Variants in IQCJ observed in about 807,000 individuals in gnomAD.
IQCJ encodes IQ domain-containing protein J.
A neutral mutation model predicts 11.0 loss-of-function variants in IQCJ; 9 were observed. That is an observed-to-expected ratio of 0.82 (90% CI 0.49 to 1.43). IQCJ has a LOEUF of 1.43. Among genes scored for constraint, IQCJ ranks in the 40% most tolerant of loss-of-function variants. IQCJ has a pLI of 0.00. For synonymous variants in IQCJ, 55 were observed against 51.3 expected (o/e 1.07, Z -0.31); for missense variants, 146 against 133.2 (o/e 1.10, Z -0.47).
At chr3:159,217,752 A>G (rs551842905) in intron 1 of IQCJ, among the ~76,000 whole-genome samples, 22 of 151,804 alleles carry the variant, frequency 1.4e-4, no homozygotes, top group African/African-American at 4.6e-4. Flanking sequence ...TACCTAGCAG[A>G]CTCTTCATTT....
At chr3:159,138,022 T>C (rs1720395724) in intron 1 of IQCJ, among the ~76,000 whole-genome samples, 1 of 87,032 alleles carries the variant, frequency 1.1e-5, no homozygotes, top group African/African-American at 2.8e-5. Flanking sequence ...CATTTACATA[T>C]GTTATGTAAT....
chr3:159,143,157 A>G (rs947829407), intron 1 of IQCJ, among the ~76,000 whole-genome samples: 13 of 152,244 alleles, frequency 8.5e-5, no homozygotes, highest in Admixed American at 7.9e-4. Flanking sequence ...CCATCTCAGC[A>G]TCACATAGCC....
At chr3:159,142,697 C>T (rs879593178) in intron 1 of IQCJ, among the ~76,000 whole-genome samples, 6 of 152,042 alleles carry the variant, frequency 3.9e-5, no homozygotes, top group Admixed American at 6.5e-5. Context: ...GAATTACAGG[C>T]GTCAGCCACC....
intron 1 of IQCJ, among the ~76,000 whole-genome samples, chr3:159,204,148 T>C (rs1021359666): frequency 3.9e-5 from 6 of 152,200 alleles, no homozygotes; most frequent in African/African-American, 1.4e-4. Context: ...ATAACAAACT[T>C]CCTAAAACTT....
chr3:159,116,638 A>ATATC (rs1559991641), intron 1 of IQCJ, among the ~76,000 whole-genome samples: 20 of 32,826 alleles, frequency 6.1e-4, no homozygotes, highest in Non-Finnish European at 9.8e-4. Context: ...ATATATATAT[A>ATATC]TATATATATA....
Position 159,179,049 on chromosome 3 carries a change from GGACAGGCAACA to G in IQCJ, c.10-66789_10-66779del, listed in dbSNP as rs555767144. 3.7e-4 allele frequency among the ~76,000 whole-genome samples: 56 copies of G among 152,260 alleles called. No individual in the cohort carries two copies. The East Asian group carries it at 0.01, about 27-fold the overall frequency. ...CATGTTATCTGTCCTCCACACTGGA[GGACAGGCAACA>G]GACACCACACTCTCTAGCACAATGT... On this transcript the variant is annotated intron_variant, in intron 1 of 3. Transcript: ENST00000397832.
At chr3:159,232,023 TC>T (rs1172334986) in intron 1 of IQCJ, among the ~76,000 whole-genome samples, 2 of 152,214 alleles carry the variant, frequency 1.3e-5, no homozygotes, top group Non-Finnish European at 2.9e-5. Context: ...TTCTCTCTTT[TC>T]TTCTTTATTA....
chr3:159,248,090 G>T (rs1727378651), intron 2 of IQCJ, among the ~76,000 whole-genome samples: 1 of 152,154 alleles, frequency 6.6e-6, no homozygotes, highest in Admixed American at 6.5e-5. Context: ...AGCTTTGTCA[G>T]TCCAGACAAA....
chr3:159,092,924 AT>A (rs1222317605), intron 1 of IQCJ, among the ~76,000 whole-genome samples: 2 of 151,574 alleles, frequency 1.3e-5, no homozygotes, highest in Non-Finnish European at 2.9e-5. Flanking sequence ...AAATACCTAA[AT>A]TTTCAGTGGA....
downstream of IQCJ, chr3:159,266,256 G>T (rs1728484455): frequency 6.6e-6 from 1 of 152,180 alleles, no homozygotes. Flanking sequence ...AAAGAAGGCT[G>T]CATTTAGACA....
intron 1 of IQCJ, among the ~76,000 whole-genome samples, chr3:159,151,141 T>C (rs1292534153): frequency 3.3e-5 from 5 of 152,178 alleles, no homozygotes; most frequent in East Asian, 1.9e-4. Flanking sequence ...CCCGGCTCTT[T>C]GGAAGGAGCA....
chr3:159,165,028 C>G (rs1283610711), intron 1 of IQCJ, among the ~76,000 whole-genome samples: 5 of 152,006 alleles, frequency 3.3e-5, no homozygotes, highest in Admixed American at 3.3e-4. Flanking sequence ...TCTTATTCAC[C>G]AAAATTAGGC....
At chr3:159,085,488 G>C (rs1173823190) in intron 1 of IQCJ, among the ~76,000 whole-genome samples, 1 of 150,448 alleles carries the variant, frequency 6.6e-6, no homozygotes, top group African/African-American at 2.5e-5. Context: ...CTGAGGAATC[G>C]CCACACTGAC....
intron 1 of IQCJ, among the ~76,000 whole-genome samples, chr3:159,185,570 G>A (rs1171915010): frequency 2.6e-5 from 4 of 151,998 alleles, no homozygotes; most frequent in Non-Finnish European, 5.9e-5. Flanking sequence ...GTTTCTCGGG[G>A]CCAGAAACTC....
At chr3:159,153,557 T>C (rs1027125266) in intron 1 of IQCJ, among the ~76,000 whole-genome samples, 11 of 152,256 alleles carry the variant, frequency 7.2e-5, no homozygotes, top group African/African-American at 2.7e-4. Context: ...TGACCAATGT[T>C]CCTTGTATTC....
At chr3:159,125,023 T>A (rs980021660) in intron 1 of IQCJ, among the ~76,000 whole-genome samples, 5 of 152,174 alleles carry the variant, frequency 3.3e-5, no homozygotes, top group African/African-American at 1.2e-4. Flanking sequence ...TCCTTTAGTG[T>A]GGGATGCACA....
At chr3:159,173,062 T>C (rs1722583260) in intron 1 of IQCJ, among the ~76,000 whole-genome samples, 1 of 152,178 alleles carries the variant, frequency 6.6e-6, no homozygotes, top group South Asian at 2.1e-4. Context: ...AAGACTTAGA[T>C]GGCCTGGGGC....
At chr3:159,104,252 A>C (rs1042488243) in intron 1 of IQCJ, among the ~76,000 whole-genome samples, 7 of 152,202 alleles carry the variant, frequency 4.6e-5, no homozygotes, top group African/African-American at 1.7e-4. Context: ...GAAGTGAGCT[A>C]ACCCACTCCT....
intron 1 of IQCJ, among the ~76,000 whole-genome samples, chr3:159,211,500 G>A (rs563109668): frequency 6.6e-6 from 1 of 152,308 alleles, no homozygotes; most frequent in African/African-American, 2.4e-5. Flanking sequence ...CTCTGTAGAT[G>A]AGGGACAAGT....
Sources: gnomAD v4.1 joint callset for allele counts (sites outside exome capture counted in the v4.1 genomes callset) on GRCh38, gnomAD v4.1.1 for gene constraint, MANE v1.5 for transcripts, NCBI Gene and HGNC (gene_info 2026-07-23, HGNC 2026-07-21) for gene names.